ABCB1: variants seen among roughly 807,000 people sequenced by gnomAD.
ABCB1 encodes ATP-dependent translocase ABCB1.
In ABCB1, 69 loss-of-function variants were observed where a neutral mutation model predicts 142.0. That is an observed-to-expected ratio of 0.49 (90% CI 0.40 to 0.59). The LOEUF is 0.59. Ranked by LOEUF, ABCB1 falls within the 20% of genes least tolerant of loss-of-function variation. The pLI is 0.00. For missense variants in ABCB1, 1,326 were observed against 1,554.7 expected (o/e 0.85, Z 2.47); for synonymous variants, 532 against 539.2 (o/e 0.99, Z 0.18).
rs61117458 is a variant in ABCB1, at chr7:87,626,101, G to C, written c.-330-25023C>G. 8.7e-3 allele frequency among the ~76,000 whole-genome samples: 818 copies of C among 93,512 alleles called. 6 individuals are homozygous for C. The highest frequency in any genetic ancestry group is 0.023 in the African/African-American group (391 of 17,080). The allele number at this position is 93,512 out of a possible 152,430, so 61.3% of individuals were successfully genotyped here. A position where few individuals can be genotyped will look rare whatever the true frequency, so the allele number is the denominator to read the frequency against. On this transcript the variant is annotated intron_variant, in intron 1 of 28. Transcript: ENST00000265724. ...ACATATATATATATATATATATATT[G>C]TCATATATATGTGTCATATATATTG... is the stretch of plus-strand genomic sequence containing the variant.
In ABCB1 at chr7:87,539,315, G is replaced by A; in HGVS notation, c.2350C>T (p.Leu784Phe). The change falls in exon 19 of 28, where the codon CTC (leucine) becomes TTC (phenylalanine). Residue 784 changes from leucine to phenylalanine, a missense_variant. Physicochemically the swap from Leu to Phe is conservative, Grantham distance 22. Transcript: ENST00000622132. ...GFTFGKAGEI[L>F]TKRLRYMVFR... ...ACCATGTATCGGAGCCGCTTGGTGA[G>A]GATCTCTCCAGCTTTGCCAAATGTG... 1 of 1,614,158 alleles carries A rather than the reference G, an allele frequency of 6.2e-7. No individual in the cohort carries two copies. The highest frequency in any genetic ancestry group is 8.5e-7 in the Non-Finnish European group (1 of 1,179,990).
chr7:87,655,629 CA>C (rs1281601699), intron 1 of ABCB1, among the ~76,000 whole-genome samples: 1 of 152,068 alleles, frequency 6.6e-6, no homozygotes, highest in Non-Finnish European at 1.5e-5. Flanking sequence ...GAAATAAGTT[CA>C]AGAGATCTAT....
chr7:87,535,293 CTCT>C (rs1165572378), intron 20 of ABCB1, among the ~76,000 whole-genome samples: 1 of 151,756 alleles, frequency 6.6e-6, no homozygotes, highest in Non-Finnish European at 1.5e-5. Flanking sequence ...ACACTTATGA[CTCT>C]TCTTTTCACT....
rs759986853 is a variant in ABCB1 at position 87,566,947 on chromosome 7, G to C, written c.368C>G (p.Ala123Gly). 6.2e-7 allele frequency: 1 copy of C among 1,613,958 alleles called. No homozygotes were observed. The highest frequency in any genetic ancestry group is 8.5e-7 in the Non-Finnish European group (1 of 1,179,994). Residue 123 changes from alanine to glycine, a missense_variant, in exon 6 of 28, where the codon GCT becomes GGT. Ala to Gly is a moderately conservative substitution (Grantham distance 60, BLOSUM62 0). Transcript: ENST00000622132. ...AATGTAAGCAGCAACCAGCACCCCA[G>C]CACCAATTCCACTGTAATAATAGGC... ...RYAYYYSGIGAGVLVAAYIQV... is the reference protein window; with the variant it reads ...RYAYYYSGIGGGVLVAAYIQV...
At chr7:87,524,370 T>C (rs1199342222) in intron 21 of ABCB1, among the ~76,000 whole-genome samples, 1 of 152,070 alleles carries the variant, frequency 6.6e-6, no homozygotes, top group Non-Finnish European at 1.5e-5. Flanking sequence ...CTTTAGAAAA[T>C]CGTAAAAGTG....
intron 1 of ABCB1, chr7:87,650,699 C>A: frequency 1.6e-6 from 1 of 642,112 alleles, no homozygotes; most frequent in Non-Finnish European, 2.8e-6. Flanking sequence ...TGGGGTTTTT[C>A]AGATGTTATA....
chr7:87,535,570 A>G (rs915198948), intron 20 of ABCB1, among the ~76,000 whole-genome samples: 1 of 152,154 alleles, frequency 6.6e-6, no homozygotes, highest in African/African-American at 2.4e-5. Flanking sequence ...TTAAAACAAC[A>G]ATTACTAAGA....
At chr7:87,710,594 C>G in intron 1 of ABCB1, 4 of 1,599,296 alleles carry the variant, frequency 2.5e-6, no homozygotes, top group Non-Finnish European at 3.4e-6. Context: ...CAGAGTAGCA[C>G]TCATGGAAAA....
intron 3 of ABCB1, among the ~76,000 whole-genome samples, chr7:87,588,224 G>C (rs1386913491): frequency 2.0e-5 from 3 of 151,310 alleles, no homozygotes; most frequent in Non-Finnish European, 4.4e-5. Flanking sequence ...ATGCAGGTTT[G>C]TTACATACGT....
rs1016916861 is a variant in ABCB1, at chr7:87,547,498, C to T, written c.1726-1474G>A. Among the ~76,000 whole-genome samples the T allele has an allele frequency of 4.6e-5, 7 of 151,998 alleles. No individual in the cohort carries two copies. In the South Asian group the frequency reaches 8.3e-4, roughly 18 times the overall value. On this transcript the variant is annotated intron_variant, in intron 14 of 27. Coordinates refer to ENST00000622132, the MANE Select transcript of ABCB1 (RefSeq NM_001348946.2). ...ATTCCAGCACTTTGGGAGGCTGAGG[C>T]GGGAGGATTGCTTGAGCCCAGGAGT...
chr7:87,631,823 C>G (rs1821254336), intron 1 of ABCB1, among the ~76,000 whole-genome samples: 1 of 152,148 alleles, frequency 6.6e-6, no homozygotes, highest in African/African-American at 2.4e-5. Flanking sequence ...ACAAGCCATG[C>G]AACCTTTCCA....
At chr7:87,702,069 G>C (rs1829099804) in intron 1 of ABCB1, among the ~76,000 whole-genome samples, 1 of 147,110 alleles carries the variant, frequency 6.8e-6, no homozygotes, top group African/African-American at 2.5e-5. Flanking sequence ...CGTGAACCCA[G>C]GAGGCGGAGC....
At chr7:87,627,031 C>T (rs1820705537) in intron 1 of ABCB1, among the ~76,000 whole-genome samples, 1 of 152,168 alleles carries the variant, frequency 6.6e-6, no homozygotes, top group Non-Finnish European at 1.5e-5. Flanking sequence ...GCCTCAGCCT[C>T]CCAAAGTGCT....
intron 26 of ABCB1, 146 bp downstream of exon 26, chr7:87,509,129 T>C: frequency 1.3e-6 from 1 of 797,350 alleles, no homozygotes; most frequent in East Asian, 2.6e-5. Flanking sequence ...AAACAGGAAG[T>C]GTGGCCAGAT....
At chr7:87,546,355 A>G (rs1330794654) in intron 14 of ABCB1, among the ~76,000 whole-genome samples, 10 of 152,056 alleles carry the variant, frequency 6.6e-5, no homozygotes, top group African/African-American at 2.4e-4. Context: ...TTGGGAGGCC[A>G]AGGTGGGTGG....
At chr7:87,632,199 T>C (rs971122205) in intron 1 of ABCB1, among the ~76,000 whole-genome samples, 2 of 152,162 alleles carry the variant, frequency 1.3e-5, no homozygotes, top group African/African-American at 4.8e-5. Flanking sequence ...CCTTAAACAA[T>C]TTAGGTGTAT....
chr7:87,587,772 G>A (rs1354018679), intron 3 of ABCB1, among the ~76,000 whole-genome samples: 1 of 151,714 alleles, frequency 6.6e-6, no homozygotes, highest in Non-Finnish European at 1.5e-5. Context: ...CTACTCAGGA[G>A]GCTGAGGCAG....
At chr7:87,700,796 A>C (rs918314152) in intron 1 of ABCB1, among the ~76,000 whole-genome samples, 1 of 152,210 alleles carries the variant, frequency 6.6e-6, no homozygotes, top group Non-Finnish European at 1.5e-5. Context: ...AATGTCAAAA[A>C]TATTTTTATA....
At chr7:87,632,371 GTA>G (rs1295466398) in intron 1 of ABCB1, among the ~76,000 whole-genome samples, 1 of 152,182 alleles carries the variant, frequency 6.6e-6, no homozygotes, top group Non-Finnish European at 1.5e-5. Flanking sequence ...ATGTGTGATT[GTA>G]TATGTGTATG....
Sources: allele counts gnomAD v4.1 joint callset (sites outside exome capture counted in the v4.1 genomes callset), GRCh38; gene constraint gnomAD v4.1.1; transcripts MANE v1.5; gene names NCBI Gene and HGNC (gene_info 2026-07-23, HGNC 2026-07-21).